COL28A1: variants seen among roughly 807,000 people sequenced by gnomAD.
The protein encoded by COL28A1 is collagen alpha-1(XXVIII) chain.
In COL28A1, 161 loss-of-function variants were observed where a neutral mutation model predicts 150.2. That is an observed-to-expected ratio of 1.07 (90% CI 0.94 to 1.22). The LOEUF (loss-of-function observed/expected upper bound fraction) is 1.22. COL28A1 is among the 50% of genes most tolerant of loss of function. The pLI is 0.00. For synonymous variants in COL28A1, 552 were observed against 469.7 expected, an observed-to-expected ratio of 1.18 and a Z score of -2.26; for missense variants, 1,617 against 1,388.3, an observed-to-expected ratio of 1.16 and a Z score of -2.62.
chr7:7,381,518 T>C (rs770136538), intron 28 of COL28A1, 26 bp downstream of exon 28: 10 of 1,579,380 alleles, frequency 6.3e-6, no homozygotes, highest in Non-Finnish European at 8.7e-6. Flanking sequence ...AGCCTAAGCA[T>C]TTCTCTAAGA....
chr7:7,472,272 T>C (rs1788499602), intron 15 of COL28A1, among the ~76,000 whole-genome samples: 1 of 152,084 alleles, frequency 6.6e-6, no homozygotes, highest in Non-Finnish European at 1.5e-5. Context: ...TAGAAAACCC[T>C]AAAGACTCCT....
intron 27 of COL28A1, among the ~76,000 whole-genome samples, chr7:7,402,918 C>T (rs963727168): frequency 2.0e-5 from 3 of 152,196 alleles, no homozygotes; most frequent in Admixed American, 2.0e-4. Flanking sequence ...AGACTACAGA[C>T]AGGACTCATG....
chr7:7,387,349 C>T (rs1380817413), intron 27 of COL28A1, among the ~76,000 whole-genome samples: 1 of 151,914 alleles, frequency 6.6e-6, no homozygotes, highest in African/African-American at 2.4e-5. Context: ...ATAAATAATC[C>T]TTTACTAAAG....
the COL28A1 span, among the ~76,000 whole-genome samples, chr7:7,341,535 G>A: frequency 5.9e-5 from 9 of 151,990 alleles, no homozygotes; most frequent in East Asian, 1.9e-4. Context: ...CTTAGCCTCC[G>A]GAGTAGCCAG....
At chr7:7,508,957 C>T (rs1464870020) in intron 9 of COL28A1, among the ~76,000 whole-genome samples, 1 of 152,142 alleles carries the variant, frequency 6.6e-6, no homozygotes, top group Non-Finnish European at 1.5e-5. Context: ...CTCCAGCCTC[C>T]CGAGTAGCTG....
At chr7:7,457,852 G>A (rs1347601629) in intron 15 of COL28A1, among the ~76,000 whole-genome samples, 1 of 152,166 alleles carries the variant, frequency 6.6e-6, no homozygotes, top group East Asian at 1.9e-4. Context: ...GAGTAACATG[G>A]TTAACATGCT....
chr7:7,396,175 C>G (rs1583285828), intron 27 of COL28A1, among the ~76,000 whole-genome samples: 1 of 152,168 alleles, frequency 6.6e-6, no homozygotes, highest in Admixed American at 6.5e-5. Flanking sequence ...CCTAGAGCAA[C>G]CCAGTGGTCT....
chr7:7,445,968 C>G (rs1428059618), intron 18 of COL28A1, among the ~76,000 whole-genome samples: 1 of 151,646 alleles, frequency 6.6e-6, no homozygotes, highest in Non-Finnish European at 1.5e-5. Flanking sequence ...AAGTGATTCT[C>G]CTGCCTCAGC....
At chr7:7,380,903 T>C (rs1781836692) in intron 28 of COL28A1, 41 bp from the exon 29 acceptor site, 1 of 1,527,612 alleles carries the variant, frequency 6.5e-7, no homozygotes, top group Non-Finnish European at 9.0e-7. Flanking sequence ...AGAATGTGAA[T>C]CTAAAAGCCA....
intron 27 of COL28A1, among the ~76,000 whole-genome samples, chr7:7,391,471 G>C (rs1344350619): frequency 6.6e-6 from 1 of 152,162 alleles, no homozygotes; most frequent in Non-Finnish European, 1.5e-5. Context: ...GGGGTGGAAG[G>C]TTCTGTAGAT....
At chr7:7,375,871 G>A (rs1173306756) in intron 30 of COL28A1, among the ~76,000 whole-genome samples, 1 of 152,146 alleles carries the variant, frequency 6.6e-6, no homozygotes, top group South Asian at 2.1e-4. Context: ...GTGCTGTGGT[G>A]CTATATATAC....
the COL28A1 span, among the ~76,000 whole-genome samples, chr7:7,343,305 T>C: frequency 5.3e-5 from 8 of 152,074 alleles, no homozygotes; most frequent in Non-Finnish European, 1.2e-4. Flanking sequence ...CTATGCCTCA[T>C]GCCCCCTTTT....
the COL28A1 span, among the ~76,000 whole-genome samples, chr7:7,339,765 G>A: frequency 6.6e-6 from 1 of 152,102 alleles, no homozygotes; most frequent in Non-Finnish European, 1.5e-5. Flanking sequence ...TACTTCATAG[G>A]TGGTTAAGAA....
At position 7,452,394 on chromosome 7, in the gene COL28A1, A is replaced by G; in HGVS notation, c.1441-7T>C. 1.3e-6 allele frequency: 2 copies of G among 1,591,912 alleles called. No individual in the cohort carries two copies. Among genetic ancestry groups the G allele is most frequent in the South Asian group, 1.2e-5 (1 of 86,518 alleles). The stretch of plus-strand genomic sequence containing the variant: ...CCATTTGGCCTACTTCTCCCTAGTA[A>G]GAAAAGAGTTTAATACAGCAGCAAA... On this transcript the variant is annotated splice_polypyrimidine_tract_variant and splice_region_variant and intron_variant, in intron 17 of 34. Coordinates refer to ENST00000399429, the MANE Select transcript of COL28A1 (RefSeq NM_001037763.3).
chr7:7,409,916 C>T (rs910687119), intron 27 of COL28A1, among the ~76,000 whole-genome samples: 1 of 151,992 alleles, frequency 6.6e-6, no homozygotes, highest in African/African-American at 2.4e-5. Flanking sequence ...AATTGAGAGC[C>T]TAAAGTTTTC....
chr7:7,476,305 C>G (rs997362832), intron 14 of COL28A1, among the ~76,000 whole-genome samples: 5 of 152,152 alleles, frequency 3.3e-5, no homozygotes, highest in African/African-American at 1.2e-4. Flanking sequence ...TTTTGGAAAA[C>G]ACTTTTTAAC....
At chr7:7,340,290 A>C in the COL28A1 span, among the ~76,000 whole-genome samples, 1 of 152,146 alleles carries the variant, frequency 6.6e-6, no homozygotes, top group African/African-American at 2.4e-5. Context: ...ATATCAAGAA[A>C]ACTCCTGTTT....
intron 28 of COL28A1, among the ~76,000 whole-genome samples, chr7:7,381,177 C>T (rs892711464): frequency 6.6e-6 from 1 of 152,084 alleles, no homozygotes; most frequent in African/African-American, 2.4e-5. Context: ...GTATCTCCTA[C>T]ATGGTATGTT....
chr7:7,379,988 C>T (rs764821321), intron 30 of COL28A1, among the ~76,000 whole-genome samples: 15 of 152,214 alleles, frequency 9.9e-5, no homozygotes, highest in East Asian at 1.9e-4. Flanking sequence ...CCTAGTACAT[C>T]GAATCAGCCC....
Sources: allele counts gnomAD v4.1 joint callset (sites outside exome capture counted in the v4.1 genomes callset), GRCh38; gene constraint gnomAD v4.1.1; transcripts MANE v1.5; gene names NCBI Gene and HGNC (gene_info 2026-07-23, HGNC 2026-07-21).